Variants in DMD observed in about 807,000 individuals in gnomAD.
DMD encodes dystrophin.
DMD carries 63 observed loss-of-function variants against 330.1 expected under a neutral mutation model. The ratio of observed to expected loss-of-function variants is 0.19; its 90% CI spans 0.16 to 0.24. The LOEUF (loss-of-function observed/expected upper bound fraction) is 0.24. Among genes scored for constraint, DMD ranks in the 10% least tolerant of loss-of-function variants. The probability of loss-of-function intolerance (pLI) is 1.00; values close to 1 mark genes in which losing one functional copy is unlikely to be tolerated. For synonymous variants in DMD, 1,223 were observed against 959.8 expected (o/e 1.27, Z -5.07); for missense variants, 3,344 against 2,684.1 (o/e 1.25, Z -5.43).
At chrX:32,763,287 T>C (rs1237286746) in intron 7 of DMD, among the ~76,000 whole-genome samples, 5 of 112,287 alleles carry the variant, frequency 4.5e-5, no homozygotes, top group Non-Finnish European at 5.6e-5. Flanking sequence ...TATTAAATAT[T>C]ATCTCAGGAT....
intron 1 of DMD, among the ~76,000 whole-genome samples, chrX:33,195,562 TAAGA>T (rs1234136712): frequency 1.8e-5 from 2 of 111,652 alleles, no homozygotes; most frequent in Admixed American, 9.6e-5. Flanking sequence ...CCTTTGAGAC[TAAGA>T]AAGAAAGAGA....
At chrX:31,154,809 T>G (rs765843034) in intron 74 of DMD, among the ~76,000 whole-genome samples, 1 of 111,428 alleles carries the variant, frequency 9.0e-6, no homozygotes, top group South Asian at 3.9e-4. Context: ...CTTGATTATC[T>G]TGTAAATTAT....
chrX:33,024,634 C>G (rs1376669401), intron 1 of DMD, among the ~76,000 whole-genome samples: 4 of 111,584 alleles, frequency 3.6e-5, no homozygotes, highest in African/African-American at 1.3e-4. Context: ...GTACAATGAA[C>G]TTTTACCCTG....
At chrX:32,856,306 G>C (rs1286351602) in intron 2 of DMD, among the ~76,000 whole-genome samples, 1 of 111,786 alleles carries the variant, frequency 8.9e-6, no homozygotes, top group South Asian at 3.8e-4. Flanking sequence ...TCCTACTGCC[G>C]GGTATATACC....
At chrX:31,550,509 C>T (rs2074412777) in intron 55 of DMD, among the ~76,000 whole-genome samples, 1 of 111,981 alleles carries the variant, frequency 8.9e-6, no homozygotes, top group African/African-American at 3.2e-5. Context: ...ATTTCCTTTC[C>T]TCTTTACTCG....
At chrX:33,190,475 C>CTTTTTTTTTTT (rs1179347488) in intron 1 of DMD, among the ~76,000 whole-genome samples, 2 of 22,442 alleles carry the variant, frequency 8.9e-5, no homozygotes, top group African/African-American at 8.9e-5. Flanking sequence ...ATCTTTCTTT[C>CTTTTTTTTTTT]TTTTTTTTTT....
chrX:31,891,429 A>G (rs59490477), intron 47 of DMD, among the ~76,000 whole-genome samples: 12 of 112,041 alleles, frequency 1.1e-4, no homozygotes, highest in African/African-American at 3.9e-4. Context: ...CCATAACCCC[A>G]TTTCAACAGG....
chrX:31,469,863 T>G (rs1417388875), intron 59 of DMD, among the ~76,000 whole-genome samples: 1 of 111,647 alleles, frequency 9.0e-6, no homozygotes, highest in African/African-American at 3.3e-5. Context: ...AGGCTTTGTT[T>G]GTTCCTTTTC....
chrX:31,396,460 T>C (rs970329118), intron 60 of DMD, among the ~76,000 whole-genome samples: 4 of 110,378 alleles, frequency 3.6e-5, no homozygotes, highest in Non-Finnish European at 7.6e-5. Flanking sequence ...TATATGTGTG[T>C]ACATAAATAT....
chrX:32,011,327 G>A (rs753081208), intron 44 of DMD, among the ~76,000 whole-genome samples: 29 of 111,424 alleles, frequency 2.6e-4, no homozygotes, highest in Non-Finnish European at 4.9e-4. Context: ...TGTGCATGAA[G>A]GGATCTAGAG....
chrX:32,280,168 TATATATATATATATATATAC>T lies in DMD; in HGVS notation c.6290+7341_6290+7360del, dbSNP rs1166646710. ...AGTATATATATATATATATACAGTA[TATATATATATATATATATAC>T]ACACTATGTACCCACAAACGTTAAA... On this transcript the variant is annotated intron_variant, in intron 43 of 78. Transcript: ENST00000357033. 9.8e-3 allele frequency among the ~76,000 whole-genome samples: 396 copies of T among 40,416 alleles called. 1 individual carries two copies. Among genetic ancestry groups the T allele is most frequent in the African/African-American group, 0.044 (334 of 7,568 alleles). 35.1% of individuals were successfully genotyped at this position (40,416 alleles called of 115,157 possible).
At chrX:32,918,276 G>T (rs2088042497) in intron 2 of DMD, among the ~76,000 whole-genome samples, 1 of 111,605 alleles carries the variant, frequency 9.0e-6, no homozygotes, top group Non-Finnish European at 1.9e-5. Flanking sequence ...TGAGTGCATT[G>T]AAGATAAAAC....
rs781546846 is a variant in DMD at position 32,651,074 on chromosome X, T to C, written c.961-5922A>G. Among the ~76,000 whole-genome samples, 107 of 111,706 alleles carry C rather than the reference T, an allele frequency of 9.6e-4. No individual in the cohort carries two copies. Among genetic ancestry groups the C allele is most frequent in the Non-Finnish European group, 1.8e-3 (98 of 53,141 alleles). On this transcript the variant is annotated intron_variant, in intron 9 of 78. Coordinates refer to ENST00000357033, the MANE Select transcript of DMD (RefSeq NM_004006.3). ...CGTCTTTATCCCAATATGATCAATC[T>C]CTTTAAATGAAGAAAATGAATTAAG...
intron 9 of DMD, among the ~76,000 whole-genome samples, chrX:32,687,736 C>G (rs1288176220): frequency 9.0e-6 from 1 of 111,196 alleles, no homozygotes; most frequent in Non-Finnish European, 1.9e-5. Context: ...GACCCAGAAT[C>G]AAAAGAGATA....
intron 34 of DMD, 104 bp from the exon 35 acceptor site, chrX:32,365,303 T>A: frequency 1.3e-6 from 1 of 777,340 alleles, no homozygotes; most frequent in African/African-American, 2.0e-5. Flanking sequence ...TGCAAGGTTT[T>A]AAACCTATAA....
intron 44 of DMD, among the ~76,000 whole-genome samples, chrX:31,985,211 T>C (rs1282662138): frequency 8.9e-6 from 1 of 112,134 alleles, no homozygotes; most frequent in Non-Finnish European, 1.9e-5. Flanking sequence ...TAATTTAGCA[T>C]ATAAAGGTAA....
intron 33 of DMD, among the ~76,000 whole-genome samples, chrX:32,383,904 G>A (rs947455362): frequency 1.8e-5 from 2 of 108,571 alleles, no homozygotes; most frequent in Admixed American, 9.9e-5. Flanking sequence ...CAATGATTTC[G>A]TAAAAATTCC....
At chrX:31,285,099 T>A (rs925977205) in intron 62 of DMD, among the ~76,000 whole-genome samples, 3 of 111,936 alleles carry the variant, frequency 2.7e-5, no homozygotes, top group African/African-American at 9.8e-5. Context: ...ATAAGAATGA[T>A]CATTAGATGA....
chrX:32,735,781 A>G (rs2036505486), intron 7 of DMD, among the ~76,000 whole-genome samples: 1 of 111,988 alleles, frequency 8.9e-6, no homozygotes, highest in African/African-American at 3.3e-5. Context: ...TGGATTAAAA[A>G]CTTAAACGTT....
Sources: allele counts gnomAD v4.1 joint callset (sites outside exome capture counted in the v4.1 genomes callset), GRCh38; gene constraint gnomAD v4.1.1; transcripts MANE v1.5; gene names NCBI Gene and HGNC (gene_info 2026-07-23, HGNC 2026-07-21).